Variants in GHR observed in about 807,000 individuals in gnomAD.
GHR encodes growth hormone receptor, also known as GH receptor.
Under a neutral mutation model 67.1 loss-of-function variants are expected in GHR, and 35 were observed. That is an observed-to-expected ratio of 0.52 (90% CI 0.40 to 0.69). The LOEUF is 0.69. Among genes scored for constraint, GHR ranks in the 30% least tolerant of loss-of-function variants. GHR has a pLI of 0.00. For synonymous variants in GHR, 272 were observed against 269.1 expected, an observed-to-expected ratio of 1.01 and a Z score of -0.10; for missense variants, 792 against 764.6, an observed-to-expected ratio of 1.04 and a Z score of -0.42.
chr5:42,685,860 G>C (rs1757113045), intron 3 of GHR, among the ~76,000 whole-genome samples: 2 of 152,150 alleles, frequency 1.3e-5, no homozygotes, highest in Admixed American at 1.3e-4. Flanking sequence ...CAGATGGGCA[G>C]ATTGCAAAAA....
Position 42,665,489 on chromosome 5 carries a change from C to T in GHR, c.137-23401C>T, listed in dbSNP as rs969050546. Among the ~76,000 whole-genome samples, 34 of 151,706 alleles carry T rather than the reference C, an allele frequency of 2.2e-4. No individual in the cohort carries two copies. In the East Asian group the frequency reaches 6.0e-3, roughly 27 times the overall value. ...GAAATCATCATTCTGAGTAAACTAT[C>T]GCAAGAACAAAAAACCAAACACCGC... On this transcript the variant is annotated intron_variant, in intron 3 of 9. Transcript: ENST00000230882.
chr5:42,437,415 T>A (rs983430314), intron 1 of GHR, among the ~76,000 whole-genome samples: 6 of 152,176 alleles, frequency 3.9e-5, no homozygotes, highest in African/African-American at 1.4e-4. Flanking sequence ...GACAGAGCCA[T>A]GTTGGATGTC....
intron 1 of GHR, among the ~76,000 whole-genome samples, chr5:42,520,694 C>T (rs1408599775): frequency 6.6e-6 from 1 of 152,144 alleles, no homozygotes; most frequent in Non-Finnish European, 1.5e-5. Context: ...CATGTTACAG[C>T]AGCAGTATAA....
rs1380618211 is a variant in GHR, at chr5:42,565,789, G to C, written c.-11-75G>C. ...CGTCAGCTCATTCATGTCTTACCCA[G>C]TCTTTAAACAGTATTTCATGATAAT... On this transcript the variant is annotated intron_variant, in intron 1 of 9. Coordinates refer to ENST00000230882, the MANE Select transcript of GHR (RefSeq NM_000163.5). 9.3e-6 allele frequency: 15 copies of C among 1,612,196 alleles called. No individual in the cohort carries two copies. In the East Asian group the frequency reaches 2.2e-4, roughly 24 times the overall value.
intron 1 of GHR, among the ~76,000 whole-genome samples, chr5:42,528,953 GCT>G (rs1747830406): frequency 6.6e-6 from 1 of 151,612 alleles, no homozygotes; most frequent in Non-Finnish European, 1.5e-5. Context: ...TATACATTGT[GCT>G]CTTTTTAGAC....
At chr5:42,645,129 T>A (rs1561193184) in intron 3 of GHR, among the ~76,000 whole-genome samples, 1 of 152,174 alleles carries the variant, frequency 6.6e-6, no homozygotes, top group Non-Finnish European at 1.5e-5. Context: ...ATTGAATGAG[T>A]TGTGCTGAAG....
chr5:42,476,545 CT>C (rs1745330578), intron 1 of GHR, among the ~76,000 whole-genome samples: 2 of 152,122 alleles, frequency 1.3e-5, no homozygotes, highest in South Asian at 4.1e-4. Flanking sequence ...ATAGCAAATT[CT>C]TAAAAATAAT....
At position 42,443,958 on chromosome 5, in the gene GHR, GATAGAT is replaced by G. The variant is rs71608646; in HGVS notation, c.-12+20033_-12+20038del. ...CCAAGGTGATATAGATATAGATATAGATAGATATAGATATAGATATAGATATAGATA... is the reference window on the plus strand; with the variant it reads ...CCAAGGTGATATAGATATAGATATAGATAGATATAGATATAGATATAGATA... On this transcript the variant is annotated intron_variant, in intron 1 of 9. Coordinates refer to ENST00000230882, the MANE Select transcript of GHR (RefSeq NM_000163.5). Among the ~76,000 whole-genome samples the G allele has an allele frequency of 3.7e-3, 541 of 148,176 alleles. 4 individuals are homozygous for G. The highest frequency in any genetic ancestry group is 0.018 in the Middle Eastern group (5 of 278).
At chr5:42,507,726 G>A (rs958109445) in intron 1 of GHR, among the ~76,000 whole-genome samples, 8 of 152,332 alleles carry the variant, frequency 5.3e-5, no homozygotes, top group Non-Finnish European at 1.0e-4. Context: ...GAAGGAAACC[G>A]TGTTACTCTA....
intron 2 of GHR, among the ~76,000 whole-genome samples, chr5:42,586,651 T>C (rs1321757761): frequency 6.6e-6 from 1 of 152,230 alleles, no homozygotes; most frequent in Non-Finnish European, 1.5e-5. Context: ...AAAATGTATG[T>C]CAAAATCCAA....
intron 1 of GHR, among the ~76,000 whole-genome samples, chr5:42,474,587 G>T (rs1273023625): frequency 6.6e-6 from 1 of 152,008 alleles, no homozygotes; most frequent in Non-Finnish European, 1.5e-5. Flanking sequence ...CCTAAGCCTG[G>T]GAACCACGAT....
chr5:42,668,411 C>T (rs1201941350), intron 3 of GHR, among the ~76,000 whole-genome samples: 1 of 152,008 alleles, frequency 6.6e-6, no homozygotes, highest in Non-Finnish European at 1.5e-5. Flanking sequence ...TTCACAGCAT[C>T]CCTGGCCTCA....
At chr5:42,491,894 C>T (rs911805333) in intron 1 of GHR, among the ~76,000 whole-genome samples, 5 of 152,104 alleles carry the variant, frequency 3.3e-5, no homozygotes, top group Admixed American at 2.0e-4. Flanking sequence ...ATGCAAGTGG[C>T]GTTTTCCAGG....
intron 1 of GHR, among the ~76,000 whole-genome samples, chr5:42,526,620 A>G (rs1473419251): frequency 6.6e-6 from 1 of 152,212 alleles, no homozygotes; most frequent in East Asian, 1.9e-4. Flanking sequence ...CAAAACTTCA[A>G]AGGGAAGGCT....
At chr5:42,702,499 T>G (rs2111757182) in intron 6 of GHR, among the ~76,000 whole-genome samples, 1 of 152,204 alleles carries the variant, frequency 6.6e-6, no homozygotes. Flanking sequence ...GTAATGAACA[T>G]GGGAGCCCAG....
intron 3 of GHR, among the ~76,000 whole-genome samples, chr5:42,666,370 T>C (rs1755978697): frequency 6.6e-6 from 1 of 152,146 alleles, no homozygotes; most frequent in African/African-American, 2.4e-5. Context: ...TTGTTAATGA[T>C]CTATCTCTTA....
At chr5:42,672,500 CA>C (rs1756367891) in intron 3 of GHR, among the ~76,000 whole-genome samples, 1 of 151,950 alleles carries the variant, frequency 6.6e-6, no homozygotes, top group Non-Finnish European at 1.5e-5. Flanking sequence ...ACAAAGATGA[CA>C]AAATTAGCAA....
At chr5:42,545,527 A>C (rs933739897) in intron 1 of GHR, among the ~76,000 whole-genome samples, 2 of 152,216 alleles carry the variant, frequency 1.3e-5, no homozygotes, top group African/African-American at 4.8e-5. Flanking sequence ...TAATCAGAAA[A>C]AAATATCAAA....
At chr5:42,674,036 G>C (rs945649365) in intron 3 of GHR, among the ~76,000 whole-genome samples, 6 of 152,048 alleles carry the variant, frequency 3.9e-5, no homozygotes, top group African/African-American at 1.4e-4. Context: ...TCTGTCTGTA[G>C]ACCTTCTGCC....
Sources: gnomAD v4.1 joint callset for allele counts (sites outside exome capture counted in the v4.1 genomes callset) on GRCh38, gnomAD v4.1.1 for gene constraint, MANE v1.5 for transcripts, NCBI Gene and HGNC (gene_info 2026-07-23, HGNC 2026-07-21) for gene names.